The following DPP10 variants were observed in gnomAD, a reference collection of about 807,000 sequenced individuals.
DPP10 encodes dipeptidyl peptidase like 10.
In DPP10, 33 loss-of-function variants were observed where a neutral mutation model predicts 120.9. That is an observed-to-expected ratio of 0.27 (90% confidence interval 0.21 to 0.37). DPP10 has a LOEUF of 0.37. Ranked by LOEUF, DPP10 falls within the 10% of genes least tolerant of loss-of-function variation. The probability of loss-of-function intolerance (pLI) is 1.00; values close to 1 mark genes in which losing one functional copy is unlikely to be tolerated. For synonymous variants in DPP10, 337 were observed against 326.1 expected, an observed-to-expected ratio of 1.03 and a Z score of -0.36; for missense variants, 816 against 942.8, an observed-to-expected ratio of 0.87 and a Z score of 1.76.
In DPP10 at chr2:115,162,415, C is replaced by T. The variant is rs542344514; in HGVS notation, c.61-146824C>T. The T allele has an allele frequency of 1.5e-5, 18 of 1,223,226 alleles. No individual in the cohort carries two copies. The East Asian group carries it at 3.7e-4, about 25-fold the overall frequency. The allele number at this position is 1,223,226 out of a possible 1,614,324, so 75.8% of individuals were successfully genotyped here. ...TGCTGCGCTCCTGACGGCCGCTCACCGGGTTCGAGCCCCGTCCTCCTATAG... is the reference window on the plus strand; with the variant it reads ...TGCTGCGCTCCTGACGGCCGCTCACTGGGTTCGAGCCCCGTCCTCCTATAG... On this transcript the variant is annotated intron_variant, in intron 1 of 25. Coordinates refer to ENST00000410059, the MANE Select transcript of DPP10 (RefSeq NM_020868.6).
intron 1 of DPP10, among the ~76,000 whole-genome samples, chr2:114,481,162 A>G (rs1272818394): frequency 6.6e-6 from 1 of 152,088 alleles, no homozygotes; most frequent in Non-Finnish European, 1.5e-5. Flanking sequence ...TAGTAGAAGT[A>G]TTTGCAAACT....
intron 5 of DPP10, among the ~76,000 whole-genome samples, chr2:115,663,618 G>A (rs994940412): frequency 1.3e-4 from 20 of 151,956 alleles, no homozygotes; most frequent in African/African-American, 4.4e-4. Flanking sequence ...ATTGACATTC[G>A]GCCACCTCTT....
chr2:114,878,066 A>G (rs887715587), intron 1 of DPP10, among the ~76,000 whole-genome samples: 12 of 152,122 alleles, frequency 7.9e-5, no homozygotes, highest in African/African-American at 2.9e-4. Context: ...AAAAACTTTA[A>G]TAACAAGAAA....
At position 115,415,423 on chromosome 2, in the gene DPP10, A is replaced by G. The variant is rs575663088; in HGVS notation, c.271+71511A>G. Among the ~76,000 whole-genome samples the G allele has an allele frequency of 2.0e-5, 3 of 152,252 alleles. No homozygotes were observed. The East Asian group carries it at 5.8e-4, about 29-fold the overall frequency. On this transcript the variant is annotated intron_variant, in intron 3 of 25. Transcript: ENST00000410059. ...CCATGTGCATCAATCCTATATCAAT[A>G]GTTGTTTCTACAGAGATAGCCTCTG...
intron 1 of DPP10, among the ~76,000 whole-genome samples, chr2:114,715,506 GA>G (rs1701290348): frequency 6.6e-6 from 1 of 151,690 alleles, no homozygotes; most frequent in Non-Finnish European, 1.5e-5. Flanking sequence ...TTTATTCTAG[GA>G]AAAAATTCTA....
chr2:115,585,003 T>C (rs746998748), intron 5 of DPP10, among the ~76,000 whole-genome samples: 5 of 152,240 alleles, frequency 3.3e-5, no homozygotes, highest in Non-Finnish European at 7.3e-5. Context: ...CATTAATTTT[T>C]ATTGTGTCCC....
At chr2:115,714,338 T>C (rs868688680) in intron 7 of DPP10, among the ~76,000 whole-genome samples, 2 of 152,192 alleles carry the variant, frequency 1.3e-5, no homozygotes, top group Non-Finnish European at 2.9e-5. Flanking sequence ...GAAAATAATT[T>C]CCAGATCAAT....
chr2:115,813,451 C>G (rs1020698180), intron 19 of DPP10, among the ~76,000 whole-genome samples: 1 of 152,080 alleles, frequency 6.6e-6, no homozygotes, highest in Non-Finnish European at 1.5e-5. Flanking sequence ...TTAATGGGCA[C>G]CAGTCAGATT....
intron 5 of DPP10, among the ~76,000 whole-genome samples, chr2:115,547,932 T>C (rs1276858704): frequency 5.3e-5 from 8 of 152,188 alleles, no homozygotes; most frequent in Non-Finnish European, 1.0e-4. Context: ...TGTGTTTAGA[T>C]ATTCAAATGC....
chr2:115,191,334 G>A (rs756944462), intron 1 of DPP10, among the ~76,000 whole-genome samples: 4 of 152,186 alleles, frequency 2.6e-5, no homozygotes, highest in Non-Finnish European at 4.4e-5. Context: ...TGGAATTTTC[G>A]TCAAACACTT....
intron 1 of DPP10, among the ~76,000 whole-genome samples, chr2:115,095,585 GTT>G (rs201649163): frequency 1.2e-5 from 1 of 86,226 alleles, no homozygotes; most frequent in Admixed American, 1.3e-4. Context: ...TTTTTTTTTT[GTT>G]TTTTTTTTTT....
At chr2:115,028,753 T>C (rs1322226208) in intron 1 of DPP10, among the ~76,000 whole-genome samples, 4 of 152,126 alleles carry the variant, frequency 2.6e-5, no homozygotes, top group Admixed American at 2.0e-4. Context: ...GTGGGGTGCA[T>C]AGATGTCTAT....
chr2:114,808,675 C>A (rs1684941258), intron 1 of DPP10, among the ~76,000 whole-genome samples: 1 of 151,908 alleles, frequency 6.6e-6, no homozygotes, highest in Non-Finnish European at 1.5e-5. Flanking sequence ...CTTATCTTCA[C>A]CTTGCCATAA....
chr2:115,239,458 C>T (rs1415027103), intron 1 of DPP10, among the ~76,000 whole-genome samples: 2 of 152,148 alleles, frequency 1.3e-5, no homozygotes, highest in Admixed American at 6.6e-5. Context: ...AGGCAAGTTC[C>T]TCCACCAGCA....
intron 5 of DPP10, among the ~76,000 whole-genome samples, chr2:115,576,166 A>G (rs1335559230): frequency 1.3e-5 from 2 of 152,242 alleles, no homozygotes; most frequent in African/African-American, 4.8e-5. Context: ...TGGAAAAGCA[A>G]TACAATGAGC....
At chr2:115,167,651 C>G (rs2052999600) in intron 1 of DPP10, among the ~76,000 whole-genome samples, 1 of 149,158 alleles carries the variant, frequency 6.7e-6, no homozygotes, top group African/African-American at 2.5e-5. Flanking sequence ...CCGTGTATAG[C>G]TGATCCATTA....
chr2:115,627,116 A>C (rs2085427019), intron 5 of DPP10, among the ~76,000 whole-genome samples: 1 of 152,106 alleles, frequency 6.6e-6, no homozygotes, highest in African/African-American at 2.4e-5. Context: ...GTTGAATTAC[A>C]AAAAAAATCC....
chr2:115,697,993 TAAAC>T (rs1288492326), intron 7 of DPP10, among the ~76,000 whole-genome samples: 5 of 151,932 alleles, frequency 3.3e-5, no homozygotes, highest in East Asian at 3.9e-4. Context: ...AACAAATAAA[TAAAC>T]AAATAAAAAA....
intron 2 of DPP10, among the ~76,000 whole-genome samples, chr2:115,317,857 G>A (rs546052044): frequency 1.1e-4 from 17 of 151,736 alleles, no homozygotes; most frequent in African/African-American, 1.4e-4. Context: ...TCTTTATTCC[G>A]GATATTAATC....
Sources: gnomAD v4.1 joint callset for allele counts (sites outside exome capture counted in the v4.1 genomes callset) on GRCh38, gnomAD v4.1.1 for gene constraint, MANE v1.5 for transcripts, NCBI Gene and HGNC (gene_info 2026-07-23, HGNC 2026-07-21) for gene names.